Variants in PCDH9 observed in about 807,000 individuals in gnomAD.
The protein encoded by PCDH9 is protocadherin-9.
Under a neutral mutation model 70.6 loss-of-function variants are expected in PCDH9, and 24 were observed. The ratio of observed to expected loss-of-function variants is 0.34; its 90% CI spans 0.25 to 0.48. The LOEUF (loss-of-function observed/expected upper bound fraction) is 0.48, where lower values mean the gene tolerates loss of function less well. Ranked by LOEUF, PCDH9 falls within the 20% of genes least tolerant of loss-of-function variation. The probability of loss-of-function intolerance (pLI) is 0.99; values close to 1 mark genes in which losing one functional copy is unlikely to be tolerated. For synonymous variants in PCDH9, 562 were observed against 558.5 expected, an observed-to-expected ratio of 1.01 and a Z score of -0.09; for missense variants, 1,281 against 1,503.6, an observed-to-expected ratio of 0.85 and a Z score of 2.45.
intron 4 of PCDH9, among the ~76,000 whole-genome samples, chr13:66,494,123 G>A (rs1169580481): frequency 2.0e-5 from 3 of 152,106 alleles, no homozygotes; most frequent in Admixed American, 2.0e-4. Flanking sequence ...TGAGAATGCA[G>A]AGATGTAGAA....
intron 2 of PCDH9, among the ~76,000 whole-genome samples, chr13:67,036,458 T>C (rs1372834184): frequency 2.0e-5 from 3 of 152,180 alleles, no homozygotes; most frequent in South Asian, 2.1e-4. Context: ...CTTTGATTAA[T>C]ATCAGCTTTC....
chr13:67,214,944 A>ATATATAT (rs1452560264), intron 2 of PCDH9: 2 of 63,320 alleles, frequency 3.2e-5, no homozygotes, highest in Non-Finnish European at 6.8e-5. Flanking sequence ...AGATATATAT[A>ATATATAT]TATATATATA....
rs1186607827 is a variant in PCDH9, at chr13:67,148,610, T to C, written c.3036+76795A>G. Among the ~76,000 whole-genome samples, 3 of 152,192 alleles carry C rather than the reference T, an allele frequency of 2.0e-5. 1 individual carries two copies. Among genetic ancestry groups the C allele is most frequent in the Admixed American group, 2.0e-4 (3 of 15,286 alleles). ...TACCACTTTTCTGCATCAATCAACA[T>C]ATTCATTTAAATTTAAAACTTAGCA... On this transcript the variant is annotated intron_variant, in intron 2 of 4. Transcript: ENST00000377865.
chr13:66,536,867 C>G lies in PCDH9; in HGVS notation c.3340+94343G>C, dbSNP rs190401290. ...CCAGTTTTAACAATATGTAAACAGA[C>G]AAGTTGAAGAATTAAAAAAAGTTGC... On this transcript the variant is annotated intron_variant, in intron 4 of 4. Coordinates refer to ENST00000377865, the MANE Select transcript of PCDH9 (RefSeq NM_203487.3). Among the ~76,000 whole-genome samples, 4 of 152,004 alleles carry G rather than the reference C, an allele frequency of 2.6e-5. No individual in the cohort carries two copies. The East Asian group carries it at 7.7e-4, about 29-fold the overall frequency.
At chr13:67,175,598 C>T (rs1293198283) in intron 2 of PCDH9, among the ~76,000 whole-genome samples, 1 of 152,160 alleles carries the variant, frequency 6.6e-6, no homozygotes, top group Admixed American at 6.6e-5. Flanking sequence ...ACTACCCATA[C>T]ATTAGTCCTT....
intron 3 of PCDH9, among the ~76,000 whole-genome samples, chr13:66,866,355 GC>G (rs2081575035): frequency 6.6e-6 from 1 of 152,040 alleles, no homozygotes; most frequent in Non-Finnish European, 1.5e-5. Context: ...GGTGGCGGGC[GC>G]CTGTAGTCCC....
chr13:67,154,595 A>T (rs200083592), intron 2 of PCDH9, among the ~76,000 whole-genome samples: 54,437 of 89,064 alleles, frequency 0.61, 17,149 homozygotes, highest in Middle Eastern at 0.71. Context: ...AAAAAAAAAA[A>T]ATATATATAT....
chr13:67,064,993 C>A (rs1039830470), intron 2 of PCDH9, among the ~76,000 whole-genome samples: 6 of 151,762 alleles, frequency 4.0e-5, no homozygotes, highest in African/African-American at 1.5e-4. Context: ...AAAAATGGAA[C>A]CTGAATGAAC....
chr13:66,390,784 A>G (rs1018834595), intron 4 of PCDH9, among the ~76,000 whole-genome samples: 5 of 151,906 alleles, frequency 3.3e-5, no homozygotes, highest in Non-Finnish European at 7.4e-5. Flanking sequence ...ACATTGCCTT[A>G]GAGACTATGG....
At chr13:67,148,792 T>C (rs1044063375) in intron 2 of PCDH9, among the ~76,000 whole-genome samples, 2 of 152,216 alleles carry the variant, frequency 1.3e-5, no homozygotes, top group African/African-American at 4.8e-5. Flanking sequence ...TCAGTCTACA[T>C]GTTAAATGGC....
intron 2 of PCDH9, among the ~76,000 whole-genome samples, chr13:66,993,679 G>T (rs1029292287): frequency 6.6e-6 from 1 of 152,210 alleles, no homozygotes; most frequent in Admixed American, 6.5e-5. Context: ...AGCAATCAAT[G>T]AGTGAATAAG....
chr13:67,053,086 G>T (rs1278957854), intron 2 of PCDH9, among the ~76,000 whole-genome samples: 1 of 151,970 alleles, frequency 6.6e-6, no homozygotes, highest in Non-Finnish European at 1.5e-5. Flanking sequence ...GCAGGAGAGA[G>T]CTCAAGGTGG....
chr13:67,007,556 T>C (rs2084376439), intron 2 of PCDH9, among the ~76,000 whole-genome samples: 1 of 152,214 alleles, frequency 6.6e-6, no homozygotes. Context: ...TTGAAAACAT[T>C]ATGGGAGCAT....
chr13:67,111,327 CTA>C, intron 2 of PCDH9, among the ~76,000 whole-genome samples: 1 of 152,272 alleles, frequency 6.6e-6, no homozygotes, highest in Middle Eastern at 3.4e-3. Flanking sequence ...TGCACATTTT[CTA>C]TCTTATTCTT....
chr13:67,029,186 T>A (rs1458631865), intron 2 of PCDH9, among the ~76,000 whole-genome samples: 1 of 152,120 alleles, frequency 6.6e-6, no homozygotes, highest in African/African-American at 2.4e-5. Flanking sequence ...TTTTTTCTCA[T>A]CACAAAGAAA....
At chr13:66,368,565 A>G (rs1956590448) in intron 4 of PCDH9, among the ~76,000 whole-genome samples, 1 of 151,644 alleles carries the variant, frequency 6.6e-6, no homozygotes, top group African/African-American at 2.4e-5. Flanking sequence ...ATATATATGT[A>G]TATTCGTGTA....
chr13:66,493,177 A>C (rs1959059745), intron 4 of PCDH9, among the ~76,000 whole-genome samples: 1 of 152,198 alleles, frequency 6.6e-6, no homozygotes, highest in Non-Finnish European at 1.5e-5. Flanking sequence ...ATCTTTTTGC[A>C]GACTTGAAGT....
Position 66,812,327 on chromosome 13 carries a change from T to C in PCDH9, c.3138+91177A>G, listed in dbSNP as rs183675807. On this transcript the variant is annotated intron_variant, in intron 3 of 4. Coordinates refer to ENST00000377865, the MANE Select transcript of PCDH9 (RefSeq NM_203487.3). ...GTATGAGAAATGGATAGTACTAAAC[T>C]AGACAGCTAAGGAAAAACTGAACAA... Among the ~76,000 whole-genome samples the C allele has an allele frequency of 3.9e-3, 588 of 152,028 alleles. 4 individuals carry two copies. The highest frequency in any genetic ancestry group is 4.8e-3 in the South Asian group (23 of 4,814).
intron 4 of PCDH9, among the ~76,000 whole-genome samples, chr13:66,396,324 C>T (rs1232087319): frequency 1.3e-5 from 2 of 152,144 alleles, no homozygotes; most frequent in Admixed American, 1.3e-4. Flanking sequence ...ACGTAAATTG[C>T]TCAAAGACAA....
Sources: allele counts gnomAD v4.1 joint callset (sites outside exome capture counted in the v4.1 genomes callset), GRCh38; gene constraint gnomAD v4.1.1; transcripts MANE v1.5; gene names NCBI Gene and HGNC (gene_info 2026-07-23, HGNC 2026-07-21).